PCNX4: variants seen among roughly 807,000 people sequenced by gnomAD.
The protein encoded by PCNX4 is pecanex 4, also known as pecanex-like protein 4.
A neutral mutation model predicts 107.2 loss-of-function variants in PCNX4; 103 were observed. That is an observed-to-expected ratio of 0.96 (90% CI 0.82 to 1.13). PCNX4 has a LOEUF of 1.13. PCNX4 is among the 50% of genes most tolerant of loss of function. The probability of loss-of-function intolerance (pLI) is 0.00; values close to 1 mark genes in which losing one functional copy is unlikely to be tolerated. For synonymous variants in PCNX4, 541 were observed against 481.7 expected (o/e 1.12, Z -1.61); for missense variants, 1,528 against 1,379.4 (o/e 1.11, Z -1.71).
At position 60,118,532 on chromosome 14, in the gene PCNX4, C is replaced by A. The variant is rs1390326981; in HGVS notation, c.1782C>A (p.Phe594Leu). Residue 594 changes from phenylalanine (F) to leucine (L), a missense_variant, in exon 7 of 11, where the codon TTC (phenylalanine) becomes TTA (leucine). By Grantham distance (22) the Phe-to-Leu change is conservative (BLOSUM62 0). Coordinates refer to ENST00000406854, the MANE Select transcript of PCNX4 (RefSeq NM_001330177.2). ...TLLSSPLLPL[F>L]TLPVFLVGFP... ...TCTCTTCTCCCTTACTCCCTCTTTT[C>A]ACCCTTCCTGTGTTCTTGGTGGGGT... 1 of 1,613,834 alleles carries A rather than the reference C, an allele frequency of 6.2e-7. No homozygotes were observed. Among genetic ancestry groups the A allele is most frequent in the Non-Finnish European group, 8.5e-7 (1 of 1,179,854 alleles).
intron 1 of PCNX4, among the ~76,000 whole-genome samples, chr14:60,092,913 A>G (rs1253546918): frequency 6.6e-6 from 1 of 152,230 alleles, no homozygotes; most frequent in Non-Finnish European, 1.5e-5. Flanking sequence ...TGAATTGGTT[A>G]TCTGCTCTGT....
intron 1 of PCNX4, among the ~76,000 whole-genome samples, chr14:60,103,883 C>G (rs1895579730): frequency 6.6e-6 from 1 of 152,180 alleles, no homozygotes; most frequent in African/African-American, 2.4e-5. Flanking sequence ...TAGGCAGAAT[C>G]TTCCCTGAGC....
rs754019433 is a variant in PCNX4, at chr14:60,107,723, C to G, written c.85C>G (p.Arg29Gly). 6.2e-7 allele frequency: 1 copy of G among 1,612,628 alleles called. No homozygotes were observed. The highest frequency in any genetic ancestry group is 8.5e-7 in the Non-Finnish European group (1 of 1,179,780). ...RFPQTVLGGP[R>G]FKLGYCAPPY... The stretch of plus-strand genomic sequence containing the variant: ...TCCACAGACTGTTCTTGGAGGCCCT[C>G]GATTCAAATTAGGCTATTGTGCCCC... Residue 29 changes from arginine (R) to glycine (G), a missense_variant, in exon 2 of 11, where the codon CGA becomes GGA. Coordinates refer to ENST00000406854, the MANE Select transcript of PCNX4 (RefSeq NM_001330177.2).
chr14:60,114,910 T>A (rs780842757), intron 3 of PCNX4, 31 bp downstream of exon 3: 7 of 1,570,298 alleles, frequency 4.5e-6, no homozygotes, highest in Non-Finnish European at 6.0e-6. Flanking sequence ...ATGTTATATG[T>A]AATATTCTTA....
rs1895888231 is a variant in PCNX4 at position 60,118,279 on chromosome 14, C to T, written c.1579-50C>T. ...TCTGTCTTATATGATCTTGAAAATTCATGAAAAATCTTCTAAGGATAAATA... is the reference window on the plus strand; with the variant it reads ...TCTGTCTTATATGATCTTGAAAATTTATGAAAAATCTTCTAAGGATAAATA... On this transcript the variant is annotated intron_variant, in intron 6 of 10. Coordinates refer to ENST00000406854, the MANE Select transcript of PCNX4 (RefSeq NM_001330177.2). 3 of 1,477,508 alleles carry T rather than the reference C, an allele frequency of 2.0e-6. No individual in the cohort carries two copies. The East Asian group carries it at 7.4e-5, about 36-fold the overall frequency. The allele number at this position is 1,477,508 out of a possible 1,614,324, so 91.5% of individuals were successfully genotyped here. A position where few individuals can be genotyped will look rare whatever the true frequency, so the allele number is the denominator to read the frequency against.
rs900546660 is a variant in PCNX4, at chr14:60,140,153, C to T, written c.*5932C>T. ...TGGTAGACTGAAAAAGGAAGAAACA[C>T]AAACAACCAATATCAGGAATGAAAG... On this transcript the variant is annotated 3_prime_UTR_variant, in exon 11 of 11. Coordinates refer to ENST00000406854, the MANE Select transcript of PCNX4 (RefSeq NM_001330177.2). This position sits in a 1 kb window ranked among gnomAD's most constrained non-coding sequence, Gnocchi z 4.2. The T allele has an allele frequency of 2.0e-5, 3 of 152,052 alleles. No homozygotes were observed. The highest frequency in any genetic ancestry group is 4.4e-5 in the Non-Finnish European group (3 of 67,968). The allele number at this position is 152,052 out of a possible 1,614,324, so 9.4% of individuals were successfully genotyped here. A position where few individuals can be genotyped will look rare whatever the true frequency, so the allele number is the denominator to read the frequency against.
intron 1 of PCNX4, among the ~76,000 whole-genome samples, chr14:60,102,042 G>A (rs1230640533): frequency 6.6e-6 from 1 of 152,226 alleles, no homozygotes; most frequent in East Asian, 1.9e-4. Flanking sequence ...AAATCAGTGA[G>A]TAGAATGGTG....
At chr14:60,116,434 C>T in intron 6 of PCNX4, among the ~76,000 whole-genome samples, 1 of 152,178 alleles carries the variant, frequency 6.6e-6, no homozygotes, top group East Asian at 1.9e-4. Context: ...ACGTTTCAGT[C>T]AATGACAGAC....
At position 60,144,198 on chromosome 14, in the gene PCNX4, C is replaced by G. The variant is rs1157392804; in HGVS notation, c.*9977C>G. 6.6e-6 allele frequency: 1 copy of G among 152,274 alleles called. No homozygotes were observed. Among genetic ancestry groups the G allele is most frequent in the Non-Finnish European group, 1.5e-5 (1 of 68,090 alleles). 9.4% of individuals were successfully genotyped at this position (152,274 alleles called of 1,614,324 possible). Reference sequence around the variant, plus strand: ...ACCTGCTGCTTCAAATTACAGCCATCTGTACCTGTCAACTTTTCTAAGAGT... The same window carrying G: ...ACCTGCTGCTTCAAATTACAGCCATGTGTACCTGTCAACTTTTCTAAGAGT... On this transcript the variant is annotated 3_prime_UTR_variant, in exon 11 of 11. Coordinates refer to ENST00000406854, the MANE Select transcript of PCNX4 (RefSeq NM_001330177.2).
chr14:60,111,237 T>C (rs1303387193), intron 2 of PCNX4: 1 of 152,226 alleles, frequency 6.6e-6, no homozygotes, highest in African/African-American at 2.4e-5. Context: ...GTTTGGGCAC[T>C]GAAACTGACC....
intron 2 of PCNX4, among the ~76,000 whole-genome samples, chr14:60,112,557 ATACTT>A (rs2140544830): frequency 6.6e-6 from 1 of 152,352 alleles, no homozygotes; most frequent in South Asian, 2.1e-4. Flanking sequence ...TTGTATACGA[ATACTT>A]TACTTTGCCA....
In PCNX4 at chr14:60,137,208, A is replaced by G. The variant is rs1019552804; in HGVS notation, c.*2987A>G. 11 of 152,218 alleles carry G rather than the reference A, an allele frequency of 7.2e-5. No individual in the cohort carries two copies. The highest frequency in any genetic ancestry group is 2.4e-4 in the African/African-American group (10 of 41,466). The allele number at this position is 152,218 out of a possible 1,614,324, so 9.4% of individuals were successfully genotyped here. A position where few individuals can be genotyped will look rare whatever the true frequency, so the allele number is the denominator to read the frequency against. ...TTGGGCTGCTTTTCTTATAGGAGAC[A>G]TGCCAATTCAGGATAAGGTGGTTGA... On this transcript the variant is annotated 3_prime_UTR_variant, in exon 11 of 11. Coordinates refer to ENST00000406854, the MANE Select transcript of PCNX4 (RefSeq NM_001330177.2).
In PCNX4 at chr14:60,124,954, A is replaced by G. The variant is rs1896025535; in HGVS notation, c.2783A>G (p.Glu928Gly). 6 of 1,613,774 alleles carry G rather than the reference A, an allele frequency of 3.7e-6. No individual in the cohort carries two copies. In the South Asian group the frequency reaches 6.6e-5, roughly 18 times the overall value. ...TSCMPSSKMK[E>G]MSSLFPEDWY... ...TGTATGCCCAGTTCCAAAATGAAGGAGATGAGCTCGTTATTTCCAGAAGAC... is the reference window on the plus strand; with the variant it reads ...TGTATGCCCAGTTCCAAAATGAAGGGGATGAGCTCGTTATTTCCAGAAGAC... The change falls in exon 9 of 11, where the codon GAG (glutamate) becomes GGG (glycine). Residue 928 changes from glutamate to glycine, a missense_variant. Physicochemically the swap from Glu to Gly is moderately conservative, Grantham distance 98 (BLOSUM62 -2). Coordinates refer to ENST00000406854, the MANE Select transcript of PCNX4 (RefSeq NM_001330177.2).
intron 1 of PCNX4, among the ~76,000 whole-genome samples, chr14:60,093,799 T>G (rs1895362788): frequency 6.6e-6 from 1 of 152,230 alleles, no homozygotes; most frequent in African/African-American, 2.4e-5. Context: ...TCATTTTACA[T>G]AACCACCAGA....
rs768558374 is a variant in PCNX4 at position 60,108,130 on chromosome 14, C to T, written c.492C>T (p.Thr164=). 10 of 1,612,704 alleles carry T rather than the reference C, an allele frequency of 6.2e-6. No individual in the cohort carries two copies. The highest frequency in any genetic ancestry group is 3.3e-4 in the Middle Eastern group (2 of 6,084). Residue 164 remains threonine, a synonymous_variant, in exon 2 of 11, where the codon ACC becomes ACT. Transcript: ENST00000406854. ...GGTATCTGCTCCCAAATAGAATAAC[C>T]TTGCTGTATGGCAGTACAGGAGGCA... ...GTWYLLPNRI[T]LLYGSTGGTA...
chr14:60,124,343 C>G lies in PCNX4; in HGVS notation c.2172C>G (p.Val724=). The change falls in exon 9 of 11, where the codon GTC becomes GTG. Residue 724 remains valine (V), a synonymous_variant. Transcript: ENST00000406854. The stretch of plus-strand genomic sequence containing the variant: ...CCCTTAATGAACACTTTGGAAATGT[C>G]TTGACACCCTGTACTGTTTTGCCTG... The part of the protein sequence containing the change: ...VCSLNEHFGN[V]LTPCTVLPVK... 6.2e-7 allele frequency: 1 copy of G among 1,612,956 alleles called. No individual in the cohort carries two copies. The highest frequency in any genetic ancestry group is 2.2e-5 in the East Asian group (1 of 44,858).
chr14:60,118,339 T>A lies in PCNX4; in HGVS notation c.1589T>A (p.Ile530Lys), dbSNP rs769419691. Residue 530 changes from isoleucine to lysine, a missense_variant, in exon 7 of 11, where the codon ATA becomes AAA. Coordinates refer to ENST00000406854, the MANE Select transcript of PCNX4 (RefSeq NM_001330177.2). The stretch of plus-strand genomic sequence containing the variant: ...TTTACATTTCTACAGGTTGGTATCA[T>A]ACGTGATCGTTTGATTCAGTTCATC... ...TGLRLLLVGI[I>K]RDRLIQFISK... The A allele has an allele frequency of 3.1e-6, 5 of 1,609,824 alleles. No homozygotes were observed. The South Asian group carries it at 4.4e-5, about 14-fold the overall frequency.
At chr14:60,100,935 C>G (rs1448744952) in intron 1 of PCNX4, among the ~76,000 whole-genome samples, 1 of 152,210 alleles carries the variant, frequency 6.6e-6, no homozygotes, top group South Asian at 2.1e-4. Context: ...TTTCCAGATC[C>G]AAGAGATAAT....
intron 1 of PCNX4, among the ~76,000 whole-genome samples, chr14:60,102,448 A>G (rs1341956236): frequency 6.6e-6 from 1 of 152,146 alleles, no homozygotes; most frequent in African/African-American, 2.4e-5. Context: ...ATGGTGTTAT[A>G]TATGTCTGAG....
Sources: gnomAD v4.1 joint callset for allele counts (sites outside exome capture counted in the v4.1 genomes callset) on GRCh38, gnomAD v4.1.1 for gene constraint, Gnocchi (gnomAD v3.1) non-coding constraint, MANE v1.5 for transcripts, NCBI Gene and HGNC (gene_info 2026-07-23, HGNC 2026-07-21) for gene names.